THADA: variants seen among roughly 807,000 people sequenced by gnomAD.
The protein encoded by THADA is tRNA (32-2'-O)-methyltransferase regulator THADA.
A neutral mutation model predicts 219.8 loss-of-function variants in THADA; 213 were observed. The ratio of observed to expected loss-of-function variants is 0.97; its 90% CI spans 0.87 to 1.09. The LOEUF is 1.09. Among genes scored for constraint, THADA ranks in the 50% least tolerant of loss-of-function variants. The pLI is 0.00. For missense variants in THADA, 2,956 were observed against 2,311.3 expected (o/e 1.28, Z -5.72); for synonymous variants, 1,018 against 828.9 (o/e 1.23, Z -3.92).
chr2:43,444,604 C>A (rs1250259508), intron 26 of THADA, among the ~76,000 whole-genome samples: 1 of 152,142 alleles, frequency 6.6e-6, no homozygotes, highest in Non-Finnish European at 1.5e-5. Context: ...GAAACCCTGT[C>A]TTCAAGATCT....
chr2:43,283,750 A>G (rs1558515335), intron 35 of THADA, among the ~76,000 whole-genome samples: 1 of 152,380 alleles, frequency 6.6e-6, no homozygotes, highest in East Asian at 1.9e-4. Flanking sequence ...ATATGCATGA[A>G]CAAAGAGATT....
chr2:43,285,968 C>A (rs1673953011), intron 35 of THADA, among the ~76,000 whole-genome samples: 1 of 152,196 alleles, frequency 6.6e-6, no homozygotes, highest in Non-Finnish European at 1.5e-5. Flanking sequence ...AGAAGTCATT[C>A]TTGAATTTTC....
At chr2:43,486,098 G>A (rs1322770287) in intron 25 of THADA, among the ~76,000 whole-genome samples, 2 of 151,828 alleles carry the variant, frequency 1.3e-5, no homozygotes, top group African/African-American at 4.8e-5. Flanking sequence ...AAAACAAAAA[G>A]AAAATCCAAA....
At position 43,442,193 on chromosome 2, in the gene THADA, T is replaced by C. The variant is rs146545319; in HGVS notation, c.3837-11891A>G. Among the ~76,000 whole-genome samples the C allele has an allele frequency of 7.1e-3, 1,086 of 152,246 alleles. 13 individuals carry two copies. Among genetic ancestry groups the C allele is most frequent in the African/African-American group, 0.024 (1,016 of 41,516 alleles). ...GCTCAAACCTGTAATCCCAGCACTT[T>C]GGGAGGCCGAGGTGGGCGGATCCCT... On this transcript the variant is annotated intron_variant, in intron 26 of 37. Coordinates refer to ENST00000405975, the MANE Select transcript of THADA (RefSeq NM_022065.5).
intron 30 of THADA, among the ~76,000 whole-genome samples, chr2:43,322,188 G>GA (rs1678795417): frequency 6.6e-6 from 1 of 151,820 alleles, no homozygotes; most frequent in South Asian, 2.1e-4. Flanking sequence ...GGGTAAGACT[G>GA]AAAAACAAGA....
chr2:43,448,382 C>T (rs762739079), intron 26 of THADA, among the ~76,000 whole-genome samples: 9 of 152,110 alleles, frequency 5.9e-5, no homozygotes, highest in East Asian at 1.9e-4. Flanking sequence ...ATGAGGATCC[C>T]GTCCTCCAAA....
intron 22 of THADA, among the ~76,000 whole-genome samples, chr2:43,514,354 G>C (rs1390822141): frequency 6.7e-6 from 1 of 150,162 alleles, no homozygotes; most frequent in Non-Finnish European, 1.5e-5. Context: ...GGGAGGCTGA[G>C]GTGGGAGGAT....
chr2:43,251,605 G>A lies in THADA; in HGVS notation c.5297-18723C>T, dbSNP rs540350698. ...AGGTACTGTGGGACTGTGTACTCCC[G>A]AGTGGGAGATGTGGCAGGGCCACAG... On this transcript the variant is annotated intron_variant, in intron 36 of 37. Coordinates refer to ENST00000405975, the MANE Select transcript of THADA (RefSeq NM_022065.5). Among the ~76,000 whole-genome samples, 36 of 152,354 alleles carry A rather than the reference G, an allele frequency of 2.4e-4. No individual in the cohort carries two copies. In the Middle Eastern group the frequency reaches 0.01, roughly 43 times the overall value.
intron 35 of THADA, among the ~76,000 whole-genome samples, chr2:43,286,108 G>A (rs1673969024): frequency 6.6e-6 from 1 of 152,132 alleles, no homozygotes; most frequent in Non-Finnish European, 1.5e-5. Flanking sequence ...TATTGCAATA[G>A]GCCTCCCAGA....
At chr2:43,286,833 C>G in intron 35 of THADA, 75 bp downstream of exon 35, 1 of 1,545,166 alleles carries the variant, frequency 6.5e-7, no homozygotes, top group Admixed American at 1.8e-5. Flanking sequence ...TTCACCTTCC[C>G]TTTTTTTAGG....
At chr2:43,282,461 A>G (rs1257613839) in intron 35 of THADA, among the ~76,000 whole-genome samples, 2 of 152,218 alleles carry the variant, frequency 1.3e-5, no homozygotes, top group African/African-American at 4.8e-5. Flanking sequence ...CTAAAAAACA[A>G]TTCCTTCCTT....
At chr2:43,562,001 G>A (rs549875451) in intron 15 of THADA, among the ~76,000 whole-genome samples, 2 of 152,196 alleles carry the variant, frequency 1.3e-5, no homozygotes, top group African/African-American at 2.4e-5. Flanking sequence ...AAATTGAGAC[G>A]ATCACATGGT....
intron 23 of THADA, among the ~76,000 whole-genome samples, chr2:43,506,492 T>C (rs1689684839): frequency 6.6e-6 from 1 of 152,196 alleles, no homozygotes; most frequent in Admixed American, 6.5e-5. Context: ...GTATACTGTA[T>C]GATTCCATAT....
At chr2:43,544,782 A>C (rs372374016) in intron 20 of THADA, among the ~76,000 whole-genome samples, 371 of 151,608 alleles carry the variant, frequency 2.4e-3, no homozygotes, top group Non-Finnish European at 4.2e-3. Flanking sequence ...TGGGCTGAGA[A>C]AATGGGGTTT....
Position 43,344,194 on chromosome 2 carries a change from G to C in THADA, c.4271C>G (p.Thr1424Arg), listed in dbSNP as rs141195177. 1 of 1,612,406 alleles carries C rather than the reference G, an allele frequency of 6.2e-7. No individual in the cohort carries two copies. Among genetic ancestry groups the C allele is most frequent in the Non-Finnish European group, 8.5e-7 (1 of 1,179,406 alleles). Residue 1424 changes from threonine to arginine, a missense_variant, in exon 30 of 38, where the codon ACG becomes AGG. Physicochemically the swap from Thr to Arg is moderately conservative, Grantham distance 71. Transcript: ENST00000405975. ...LQAYSDSKHG[T>R]NSDFQHELTD... ...CAGCTCGTGCTGGAAGTCTGAATTC[G>C]TTCCGTGTTTGGAGTCTGAGTAGGC... is the stretch of plus-strand genomic sequence containing the variant.
chr2:43,293,010 G>A lies in THADA; in HGVS notation c.4642C>T (p.Leu1548=), dbSNP rs757466788. Residue 1548 remains leucine (L), a synonymous_variant, in exon 32 of 38, where the codon CTG becomes TTG. Transcript: ENST00000405975. The part of the protein sequence containing the change: ...ETNVPISFSQ[L]LESAFPEVRS... ...ACTTCAGGGAAGGCAGATTCTAACAGCTGAGAGAAAGAGATGGGGACATTC... is the reference window on the plus strand; with the variant it reads ...ACTTCAGGGAAGGCAGATTCTAACAACTGAGAGAAAGAGATGGGGACATTC... The A allele has an allele frequency of 5.0e-6, 8 of 1,613,894 alleles. No homozygotes were observed. Among genetic ancestry groups the A allele is most frequent in the Non-Finnish European group, 6.8e-6 (8 of 1,179,886 alleles).
chr2:43,415,723 A>G (rs1350081872), intron 28 of THADA, among the ~76,000 whole-genome samples: 2 of 152,026 alleles, frequency 1.3e-5, no homozygotes, highest in Non-Finnish European at 2.9e-5. Context: ...CCCGAGGTTC[A>G]TATCTAGGGC....
chr2:43,484,419 T>C (rs573802437), intron 26 of THADA: 4 of 169,254 alleles, frequency 2.4e-5, no homozygotes, highest in African/African-American at 9.6e-5. Flanking sequence ...TAACTCTAGA[T>C]CCTCAAGAGA....
chr2:43,478,574 A>C (rs1305639185), intron 26 of THADA, among the ~76,000 whole-genome samples: 2 of 152,230 alleles, frequency 1.3e-5, no homozygotes, highest in Non-Finnish European at 2.9e-5. Flanking sequence ...AAGCTAAGAA[A>C]AAATATTTAC....
Sources: allele counts gnomAD v4.1 joint callset (sites outside exome capture counted in the v4.1 genomes callset), GRCh38; gene constraint gnomAD v4.1.1; transcripts MANE v1.5; gene names NCBI Gene and HGNC (gene_info 2026-07-23, HGNC 2026-07-21).